ENTPD3: variants seen among roughly 807,000 people sequenced by gnomAD.
The protein encoded by ENTPD3 is CD39 antigen-like 3.
In ENTPD3, 60 loss-of-function variants were observed where a neutral mutation model predicts 51.2. The ratio of observed to expected loss-of-function variants is 1.17; its 90% CI spans 0.95 to 1.45. The LOEUF (loss-of-function observed/expected upper bound fraction) is 1.45, where lower values mean the gene tolerates loss of function less well. Ranked by LOEUF, ENTPD3 falls within the 40% of genes most tolerant of loss-of-function variation. The pLI is 0.00. For missense variants in ENTPD3, 593 were observed against 641.1 expected (o/e 0.93, Z 0.81); for synonymous variants, 221 against 238.4 (o/e 0.93, Z 0.67).
At chr3:40,412,040 T>C in intron 5 of ENTPD3, 78 bp downstream of exon 5, 2 of 1,364,498 alleles carry the variant, frequency 1.5e-6, no homozygotes, top group Non-Finnish European at 1.9e-6. Flanking sequence ...AGAATGTAAC[T>C]CTATTTCTGG....
intron 4 of ENTPD3, among the ~76,000 whole-genome samples, chr3:40,405,795 A>G (rs1229172107): frequency 6.6e-6 from 1 of 152,134 alleles, no homozygotes; most frequent in Admixed American, 6.5e-5. Flanking sequence ...GCCTCTCACC[A>G]GCCGCTAACC....
At chr3:40,408,662 TTG>T (rs1177434019) in intron 4 of ENTPD3, among the ~76,000 whole-genome samples, 2 of 152,358 alleles carry the variant, frequency 1.3e-5, no homozygotes, top group East Asian at 1.9e-4. Context: ...ACTGAGAGAA[TTG>T]TGTGTCTTTT....
chr3:40,427,540 T>C lies in ENTPD3; in HGVS notation c.*32T>C. 1.9e-6 allele frequency: 3 copies of C among 1,551,030 alleles called. No individual in the cohort carries two copies. The highest frequency in any genetic ancestry group is 1.4e-5 in the African/African-American group (1 of 73,858). ...AAAGCAGCTCCTGGAGTCCAATGGC[T>C]GCTTAGAGTCAGCCTGGGTGGCACC... is the stretch of plus-strand genomic sequence containing the variant. On this transcript the variant is annotated 3_prime_UTR_variant, in exon 11 of 11. Coordinates refer to ENST00000301825, the MANE Select transcript of ENTPD3 (RefSeq NM_001248.4).
At chr3:40,419,747 AT>A (rs1251754256) in intron 7 of ENTPD3, among the ~76,000 whole-genome samples, 1 of 152,028 alleles carries the variant, frequency 6.6e-6, no homozygotes, top group African/African-American at 2.4e-5. Context: ...CTTTGTGTAT[AT>A]TTTTTAAGCT....
At position 40,422,916 on chromosome 3, in the gene ENTPD3, A is replaced by T. The variant is rs1955908231; in HGVS notation, c.898A>T (p.Met300Leu). ...YPRDYSISFTMGHVFDSLCTV... is the reference protein window; with the variant it reads ...YPRDYSISFTLGHVFDSLCTV... ...TCGGGATTATAGCATCAGCTTCACC[A>T]TGGGCCATGTATTTGATAGCCTGTG... Residue 300 changes from methionine (M) to leucine (L), a missense_variant, in exon 8 of 11, where the codon ATG becomes TTG. Coordinates refer to ENST00000301825, the MANE Select transcript of ENTPD3 (RefSeq NM_001248.4). The T allele has an allele frequency of 6.2e-7, 1 of 1,613,996 alleles. No individual in the cohort carries two copies. The highest frequency in any genetic ancestry group is 8.5e-7 in the Non-Finnish European group (1 of 1,179,958).
chr3:40,414,621 ATGTATTT>A (rs1955702226), intron 5 of ENTPD3, 53 bp from the exon 6 acceptor site: 1 of 1,571,982 alleles, frequency 6.4e-7, no homozygotes, highest in African/African-American at 1.4e-5. Flanking sequence ...GAGTGAGACT[ATGTATTT>A]TAAGACTGTA....
chr3:40,424,014 G>C (rs774108647), intron 10 of ENTPD3, 51 bp downstream of exon 10: 1 of 1,611,754 alleles, frequency 6.2e-7, no homozygotes, highest in Non-Finnish European at 8.5e-7. Flanking sequence ...AGAGAGGTTT[G>C]TATGTGTGTG....
chr3:40,412,411 C>G (rs1318570076), intron 5 of ENTPD3, among the ~76,000 whole-genome samples: 1 of 152,190 alleles, frequency 6.6e-6, no homozygotes, highest in Non-Finnish European at 1.5e-5. Context: ...TCAAATCAGT[C>G]AAAGCTTTTG....
At chr3:40,407,224 T>C (rs868823289) in intron 4 of ENTPD3, among the ~76,000 whole-genome samples, 5 of 152,134 alleles carry the variant, frequency 3.3e-5, no homozygotes, top group Non-Finnish European at 5.9e-5. Context: ...TGTAAAGAGC[T>C]ACACGATAAA....
In ENTPD3 at chr3:40,415,248, C is replaced by A. The variant is rs149000927; in HGVS notation, c.597+408C>A. ...CCCCAGAGACAGGAGGAGGTCTTCA[C>A]TCTGTGTTCCCAGGTCTCCTCACAG... On this transcript the variant is annotated intron_variant, in intron 6 of 10. Coordinates refer to ENST00000301825, the MANE Select transcript of ENTPD3 (RefSeq NM_001248.4). 3.9e-5 allele frequency among the ~76,000 whole-genome samples: 6 copies of A among 152,170 alleles called. No homozygotes were observed. In the East Asian group the frequency reaches 1.2e-3, roughly 29 times the overall value.
At chr3:40,426,854 A>T (rs1955995088) in intron 10 of ENTPD3, among the ~76,000 whole-genome samples, 4 of 152,212 alleles carry the variant, frequency 2.6e-5, no homozygotes, top group Admixed American at 1.3e-4. Context: ...GCAAAAATAG[A>T]TAGAACTACC....
At chr3:40,423,235 C>A in intron 8 of ENTPD3, 56 bp from the exon 9 acceptor site, 1 of 1,566,760 alleles carries the variant, frequency 6.4e-7, no homozygotes, top group South Asian at 1.1e-5. Flanking sequence ...ACCCATAAAC[C>A]TTTCTATTAT....
At chr3:40,421,025 A>ATT (rs1165623479) in intron 7 of ENTPD3, among the ~76,000 whole-genome samples, 6,945 of 142,102 alleles carry the variant, frequency 0.049, 548 homozygotes, top group African/African-American at 0.17. Flanking sequence ...ATTAATTTAA[A>ATT]TTTTTTTTTT....
At chr3:40,404,465 C>G (rs528568947) in intron 4 of ENTPD3, among the ~76,000 whole-genome samples, 3 of 152,248 alleles carry the variant, frequency 2.0e-5, no homozygotes, top group Non-Finnish European at 4.4e-5. Context: ...CCAAGTTAGT[C>G]CTGATGGCCT....
chr3:40,417,428 G>A (rs1261664813), intron 7 of ENTPD3, among the ~76,000 whole-genome samples: 1 of 152,120 alleles, frequency 6.6e-6, no homozygotes, highest in African/African-American at 2.4e-5. Context: ...AAGAGAGAGA[G>A]TGAAGCGGAA....
chr3:40,424,048 G>A, intron 10 of ENTPD3, 85 bp downstream of exon 10: 1 of 1,585,946 alleles, frequency 6.3e-7, no homozygotes, highest in Non-Finnish European at 8.6e-7. Context: ...GAAGGTAAAA[G>A]GGTATTAATG....
chr3:40,415,895 T>G lies in ENTPD3; in HGVS notation c.653T>G (p.Leu218Arg). The G allele has an allele frequency of 6.2e-7, 1 of 1,614,152 alleles. No individual in the cohort carries two copies. ...CATGGAGTGGAAACCACGGGTGCCC[T>G]GGACTTAGGTGGTGCCTCCACCCAA... ...HPHGVETTGA[L>R]DLGGASTQIS... The change falls in exon 7 of 11, where the codon CTG (leucine) becomes CGG (arginine). Residue 218 changes from leucine to arginine, a missense_variant. By Grantham distance (102) the Leu-to-Arg change is moderately radical. Transcript: ENST00000301825.
At chr3:40,412,744 AG>A (rs901297763) in intron 5 of ENTPD3, among the ~76,000 whole-genome samples, 1 of 152,228 alleles carries the variant, frequency 6.6e-6, no homozygotes, top group Non-Finnish European at 1.5e-5. Context: ...TAATAAAAAA[AG>A]AACAAACAGA....
intron 5 of ENTPD3, among the ~76,000 whole-genome samples, chr3:40,412,796 C>T (rs2125603244): frequency 6.6e-6 from 1 of 152,278 alleles, no homozygotes; most frequent in Non-Finnish European, 1.5e-5. Context: ...ATGATGTGCT[C>T]TCCATTAGAC....
Sources: allele counts gnomAD v4.1 joint callset (sites outside exome capture counted in the v4.1 genomes callset), GRCh38; gene constraint gnomAD v4.1.1; transcripts MANE v1.5; gene names NCBI Gene and HGNC (gene_info 2026-07-23, HGNC 2026-07-21).